Variants in GNB1 observed in about 807,000 individuals in gnomAD.
GNB1 encodes the protein G protein subunit beta 1.
A neutral mutation model predicts 42.9 loss-of-function variants in GNB1; 2 were observed. That is an observed-to-expected ratio of 0.05 (90% CI 0.02 to 0.15). The LOEUF is 0.15. Ranked by LOEUF, GNB1 falls within the 10% of genes least tolerant of loss-of-function variation. The pLI is 1.00. For synonymous variants in GNB1, 183 were observed against 174.7 expected, an observed-to-expected ratio of 1.05 and a Z score of -0.38; for missense variants, 193 against 462.2, an observed-to-expected ratio of 0.42 and a Z score of 5.34.
chr1:1,863,486 T>C (rs746481991), intron 1 of GNB1, among the ~76,000 whole-genome samples: 40 of 152,274 alleles, frequency 2.6e-4, no homozygotes, highest in African/African-American at 8.7e-4. Context: ...ACCCCAGACA[T>C]TGCAAAGCGT....
chr1:1,822,385 G>C (rs1646941427), intron 3 of GNB1, among the ~76,000 whole-genome samples: 1 of 149,778 alleles, frequency 6.7e-6, no homozygotes, highest in South Asian at 2.1e-4. Context: ...CTCACTGCAA[G>C]CTCCGCCTCC....
In GNB1 at chr1:1,790,117, G is replaced by A. The variant is rs116733754; in HGVS notation, c.699+278C>T. Among the ~76,000 whole-genome samples the A allele has an allele frequency of 6.9e-3, 1,045 of 152,284 alleles. 6 individuals carry two copies. The highest frequency in any genetic ancestry group is 0.012 in the Non-Finnish European group (790 of 68,008). On this transcript the variant is annotated intron_variant, in intron 9 of 11. Transcript: ENST00000378609. The surrounding 1 kb of genome is among the most constrained non-coding windows in gnomAD (Gnocchi z 5.4). ...AAGGCTCTGTAACCACTGGTGGCCTGAGTTATCTTACTGTCTTTCCCCTCC... is the reference window on the plus strand; with the variant it reads ...AAGGCTCTGTAACCACTGGTGGCCTAAGTTATCTTACTGTCTTTCCCCTCC...
At chr1:1,791,967 G>A (rs145774174) in intron 8 of GNB1, among the ~76,000 whole-genome samples, 176 of 151,942 alleles carry the variant, frequency 1.2e-3, no homozygotes, top group Non-Finnish European at 1.2e-3. Flanking sequence ...TTGGTTAAGG[G>A]CCCATGTCTC....
At chr1:1,866,098 C>T (rs972181190) in intron 1 of GNB1, among the ~76,000 whole-genome samples, 1 of 152,120 alleles carries the variant, frequency 6.6e-6, no homozygotes, top group African/African-American at 2.4e-5. Flanking sequence ...ACCACCACGG[C>T]CAGCTAATTT....
rs1342642257 is a variant in GNB1 at position 1,794,091 on chromosome 1, T to TATTC, written c.431-784_431-781dup. The TATTC allele has an allele frequency of 2.0e-5, 3 of 152,198 alleles. No homozygotes were observed. The East Asian group carries it at 5.8e-4, about 29-fold the overall frequency. 9.4% of individuals were successfully genotyped at this position (152,198 alleles called of 1,614,324 possible). A position where few individuals can be genotyped will look rare whatever the true frequency, so the allele number is the denominator to read the frequency against. On this transcript the variant is annotated intron_variant, in intron 7 of 11. Transcript: ENST00000378609. Reference sequence around the variant, plus strand: ...GTGGGCACAATTCTGTGTCTCTGAGTATTCCCACCCACTCCCACTGGGAAG... The same window carrying TATTC: ...GTGGGCACAATTCTGTGTCTCTGAGTATTCATTCCCACCCACTCCCACTGGGAAG...
rs1329118254 is a variant in GNB1 at position 1,786,232 on chromosome 1, T to C, written c.*831A>G. On this transcript the variant is annotated 3_prime_UTR_variant, in exon 12 of 12. Transcript: ENST00000378609. The stretch of plus-strand genomic sequence containing the variant: ...GGGGTAGTGTTAGGCTATTATAAAC[T>C]TCCCTCCAACTTCACAAGGAAACCC... 2.5e-6 allele frequency: 1 copy of C among 394,824 alleles called. No homozygotes were observed. The highest frequency in any genetic ancestry group is 4.5e-6 in the Non-Finnish European group (1 of 224,016). 24.5% of individuals were successfully genotyped at this position (394,824 alleles called of 1,614,324 possible).
At chr1:1,852,589 A>T (rs576105576) in intron 1 of GNB1, among the ~76,000 whole-genome samples, 3 of 151,854 alleles carry the variant, frequency 2.0e-5, no homozygotes, top group Non-Finnish European at 4.4e-5. Flanking sequence ...TAGCTACTCC[A>T]GAGGCTAAGA....
intron 1 of GNB1, among the ~76,000 whole-genome samples, chr1:1,888,255 G>C (rs1650263223): frequency 6.6e-6 from 1 of 151,866 alleles, no homozygotes; most frequent in Non-Finnish European, 1.5e-5. Context: ...ATCTTGAAAG[G>C]TTCCCGCAGA....
At chr1:1,815,519 G>T (rs940960770) in intron 5 of GNB1, among the ~76,000 whole-genome samples, 1 of 152,188 alleles carries the variant, frequency 6.6e-6, no homozygotes, top group Admixed American at 6.5e-5. Flanking sequence ...ATCAGAACTT[G>T]TATTAATGTG....
rs549271426 is a variant in GNB1, at chr1:1,847,550, G to C, written c.-95-8312C>G. On this transcript the variant is annotated intron_variant, in intron 1 of 11. Transcript: ENST00000378609. The stretch of plus-strand genomic sequence containing the variant: ...GGCTCATAACACACAGTACTCTATG[G>C]AAAGAATTGTCAATGCTATGGAAGA... Among the ~76,000 whole-genome samples the C allele has an allele frequency of 3.3e-5, 5 of 152,266 alleles. No individual in the cohort carries two copies. In the South Asian group the frequency reaches 8.3e-4, roughly 25 times the overall value.
In GNB1 at chr1:1,830,091, A is replaced by G. The variant is rs376099825; in HGVS notation, c.-46-4592T>C. On this transcript the variant is annotated intron_variant, in intron 2 of 11. Coordinates refer to ENST00000378609, the MANE Select transcript of GNB1 (RefSeq NM_002074.5). ...ATGTTATGGCGTTGTTTTTGGAGAAAGAGAAACAGGTTAGCAGCTTTTATT... is the reference window on the plus strand; with the variant it reads ...ATGTTATGGCGTTGTTTTTGGAGAAGGAGAAACAGGTTAGCAGCTTTTATT... Among the ~76,000 whole-genome samples, 6 of 152,116 alleles carry G rather than the reference A, an allele frequency of 3.9e-5. No homozygotes were observed. In the East Asian group the frequency reaches 1.2e-3, roughly 29 times the overall value.
intron 1 of GNB1, among the ~76,000 whole-genome samples, 151 bp downstream of exon 1, chr1:1,890,669 G>A (rs1055021376): frequency 6.8e-6 from 1 of 147,506 alleles, no homozygotes; most frequent in Non-Finnish European, 1.5e-5. Context: ...CCAGCCCCCG[G>A]CCCCCCCTTC....
intron 2 of GNB1, among the ~76,000 whole-genome samples, chr1:1,834,293 A>G (rs1029521160): frequency 2.6e-5 from 4 of 152,118 alleles, no homozygotes; most frequent in African/African-American, 9.7e-5. Flanking sequence ...TGGAACTCTG[A>G]AATCCCAGAA....
intron 1 of GNB1, among the ~76,000 whole-genome samples, chr1:1,870,846 G>T (rs1649207969): frequency 6.6e-6 from 1 of 152,098 alleles, no homozygotes; most frequent in Non-Finnish European, 1.5e-5. Context: ...GCTGAGGCAG[G>T]AGAATCGCTT....
intron 1 of GNB1, among the ~76,000 whole-genome samples, chr1:1,889,776 G>A (rs956408287): frequency 6.6e-6 from 1 of 151,666 alleles, no homozygotes; most frequent in East Asian, 1.9e-4. Context: ...AATATCATTT[G>A]AATCAACTAT....
intron 4 of GNB1, 144 bp downstream of exon 4, chr1:1,817,693 A>C (rs1487995339): frequency 2.1e-5 from 12 of 575,898 alleles, no homozygotes; most frequent in Non-Finnish European, 3.5e-5. Flanking sequence ...CTACCATCAG[A>C]ATGACTTCTT....
chr1:1,840,903 T>A (rs1647223695), intron 1 of GNB1, among the ~76,000 whole-genome samples: 1 of 152,184 alleles, frequency 6.6e-6, no homozygotes, highest in Admixed American at 6.5e-5. Flanking sequence ...GTATTTTTTT[T>A]ATTTTTGAGA....
At chr1:1,851,874 T>C (rs755852048) in intron 1 of GNB1, among the ~76,000 whole-genome samples, 35 of 151,502 alleles carry the variant, frequency 2.3e-4, no homozygotes, top group Non-Finnish European at 4.6e-4. Context: ...AGAAACCCCA[T>C]GTCTACTAAA....
intron 7 of GNB1, among the ~76,000 whole-genome samples, chr1:1,803,954 C>T (rs1283947502): frequency 7.6e-6 from 1 of 131,778 alleles, no homozygotes; most frequent in East Asian, 2.3e-4. Flanking sequence ...TGCACTCCAG[C>T]CTGGGTGACA....
Sources: allele counts gnomAD v4.1 joint callset (sites outside exome capture counted in the v4.1 genomes callset), GRCh38; gene constraint gnomAD v4.1.1; non-coding constraint Gnocchi (gnomAD v3.1); transcripts MANE v1.5; gene names NCBI Gene and HGNC (gene_info 2026-07-23, HGNC 2026-07-21).